FUBP3: variants seen among roughly 807,000 people sequenced by gnomAD.
FUBP3 encodes far upstream element binding protein 3.
In FUBP3, 28 loss-of-function variants were observed where a neutral mutation model predicts 85.6. The observed-to-expected ratio is 0.33, with a 90% CI of 0.24 to 0.45. FUBP3 has a LOEUF of 0.45. Ranked by LOEUF, FUBP3 falls within the 20% of genes least tolerant of loss-of-function variation. The pLI is 1.00. For synonymous variants in FUBP3, 271 were observed against 271.4 expected, an observed-to-expected ratio of 1.00 and a Z score of 0.01; for missense variants, 583 against 755.1, an observed-to-expected ratio of 0.77 and a Z score of 2.67.
intron 3 of FUBP3, among the ~76,000 whole-genome samples, chr9:130,610,626 G>T (rs979349583): frequency 4.6e-5 from 7 of 152,168 alleles, no homozygotes; most frequent in Non-Finnish European, 1.0e-4. Context: ...ATAGTGTATC[G>T]CCCTTCAAAC....
chr9:130,621,920 A>G (rs1000006511), intron 9 of FUBP3, among the ~76,000 whole-genome samples: 3 of 152,076 alleles, frequency 2.0e-5, no homozygotes, highest in African/African-American at 7.2e-5. Context: ...AAAAGAAAAA[A>G]AAAAGAACGC....
At position 130,612,471 on chromosome 9, in the gene FUBP3, A is replaced by G; in HGVS notation, c.240A>G (p.Glu80=). The change falls in exon 4 of 19, where the codon GAA becomes GAG. Residue 80 remains glutamate, a synonymous_variant. Transcript: ENST00000319725. This position sits in a 1 kb window ranked among gnomAD's most constrained non-coding sequence, Gnocchi z 4.1. ...ALVHQRTVIT[E]EFKVPDKMVG... ...TTGTTTTTAGGACGGTAATAACGGAAGAATTCAAAGTGCCTGACAAAATGG... is the reference window on the plus strand; with the variant it reads ...TTGTTTTTAGGACGGTAATAACGGAGGAATTCAAAGTGCCTGACAAAATGG... The G allele has an allele frequency of 6.3e-7, 1 of 1,597,778 alleles. No homozygotes were observed. Among genetic ancestry groups the G allele is most frequent in the Non-Finnish European group, 8.6e-7 (1 of 1,165,978 alleles).
At chr9:130,586,712 T>A (rs1011043238) in intron 1 of FUBP3, among the ~76,000 whole-genome samples, 1 of 150,782 alleles carries the variant, frequency 6.6e-6, no homozygotes, top group African/African-American at 2.4e-5. Context: ...GGTGGTTGGG[T>A]GGTTTTTCAT....
Position 130,579,669 on chromosome 9 carries a change from G to A in FUBP3, c.-12G>A. 1.6e-6 allele frequency: 2 copies of A among 1,246,996 alleles called. No homozygotes were observed. The highest frequency in any genetic ancestry group is 4.0e-5 in the South Asian group (1 of 25,034). 77.2% of individuals were successfully genotyped at this position (1,246,996 alleles called of 1,614,324 possible). On this transcript the variant is annotated 5_prime_UTR_variant, in exon 1 of 19. Transcript: ENST00000319725. ...GGCGTCGGCGGCGGCGGCGACGGCG[G>A]CGGGGGCGGTAATGGCGGAGCTGGT...
intron 18 of FUBP3, 86 bp from the exon 19 acceptor site, chr9:130,636,928 G>A (rs1276420174): frequency 1.6e-5 from 18 of 1,148,474 alleles, no homozygotes; most frequent in East Asian, 9.3e-5. Context: ...CCCAGCTCCC[G>A]TGACGCGAGA....
In FUBP3 at chr9:130,632,188, C is replaced by T. The variant is rs1477555719; in HGVS notation, c.1434-14C>T. 1.2e-6 allele frequency: 2 copies of T among 1,610,848 alleles called. No individual in the cohort carries two copies. The highest frequency in any genetic ancestry group is 1.3e-5 in the African/African-American group (1 of 74,866). ...GCCCCCTATAGGAACGAGTGACCCT[C>T]TTGTTATCCACAGTGGTCCTCCGGC... On this transcript the variant is annotated splice_polypyrimidine_tract_variant and intron_variant, in intron 15 of 18. Transcript: ENST00000319725.
At chr9:130,582,410 C>T (rs1027115763) in intron 1 of FUBP3, among the ~76,000 whole-genome samples, 2 of 150,862 alleles carry the variant, frequency 1.3e-5, no homozygotes, top group South Asian at 2.1e-4. Flanking sequence ...GTGATTGCTC[C>T]GCTGCATTCC....
In FUBP3 at chr9:130,635,907, G is replaced by A. The variant is rs1388095875; in HGVS notation, c.1583-92G>A. ...AGACCTCCCTGCCTTCCAGCCGTCC[G>A]GAGGGAGAGCAGATGCCCAGGGCCT... On this transcript the variant is annotated intron_variant, in intron 17 of 18. Coordinates refer to ENST00000319725, the MANE Select transcript of FUBP3 (RefSeq NM_003934.2). The surrounding 1 kb of genome is among the most constrained non-coding windows in gnomAD (Gnocchi z 4.3). 14 of 1,352,924 alleles carry A rather than the reference G, an allele frequency of 1.0e-5. No homozygotes were observed. The South Asian group carries it at 1.1e-4, about 10-fold the overall frequency. The allele number at this position is 1,352,924 out of a possible 1,614,324, so 83.8% of individuals were successfully genotyped here.
intron 13 of FUBP3, 93 bp downstream of exon 13, chr9:130,630,881 T>C: frequency 2.0e-6 from 2 of 991,622 alleles, no homozygotes; most frequent in African/African-American, 1.7e-5. Context: ...CTTGTGCTGC[T>C]TGTGCCTGTG....
chr9:130,631,547 G>T lies in FUBP3; in HGVS notation c.1279-10G>T. On this transcript the variant is annotated splice_polypyrimidine_tract_variant and intron_variant, in intron 13 of 18. Transcript: ENST00000319725. ...AACAGCGGGTGAGAGCTCCCTCTGT[G>T]CCCCCACAGGGGACCAATCTCGGAG... 1 of 1,611,186 alleles carries T rather than the reference G, an allele frequency of 6.2e-7. No homozygotes were observed. Among genetic ancestry groups the T allele is most frequent in the South Asian group, 1.1e-5 (1 of 90,990 alleles).
intron 2 of FUBP3, among the ~76,000 whole-genome samples, chr9:130,599,078 G>C (rs1334918110): frequency 6.6e-6 from 1 of 152,192 alleles, no homozygotes; most frequent in African/African-American, 2.4e-5. Flanking sequence ...AAATCACGAG[G>C]TCAGGAGATT....
chr9:130,606,388 A>ACC (rs372793709), intron 2 of FUBP3, among the ~76,000 whole-genome samples: 12 of 147,712 alleles, frequency 8.1e-5, no homozygotes, highest in African/African-American at 3.0e-4. Flanking sequence ...CTCTCTCCCC[A>ACC]CCCCCCCCCA....
rs191724799 is a variant in FUBP3, at chr9:130,609,327, G to A, written c.191-627G>A. Among the ~76,000 whole-genome samples, 234 of 152,274 alleles carry A rather than the reference G, an allele frequency of 1.5e-3. 1 individual carries two copies. Among genetic ancestry groups the A allele is most frequent in the Non-Finnish European group, 2.8e-3 (190 of 68,030 alleles). ...TTGTCTTTGTGAAATGGGCTTGAAA[G>A]GCAGTTGCTCATTCTTAGTGTCCGC... On this transcript the variant is annotated intron_variant, in intron 2 of 18. Coordinates refer to ENST00000319725, the MANE Select transcript of FUBP3 (RefSeq NM_003934.2).
At chr9:130,602,276 T>G (rs1301164418) in intron 2 of FUBP3, among the ~76,000 whole-genome samples, 2 of 152,186 alleles carry the variant, frequency 1.3e-5, no homozygotes, top group Admixed American at 1.3e-4. Context: ...GAGGGGGAAC[T>G]GCTGTATTCT....
intron 1 of FUBP3, among the ~76,000 whole-genome samples, chr9:130,591,058 A>G (rs1830603860): frequency 6.6e-6 from 1 of 150,798 alleles, no homozygotes; most frequent in Non-Finnish European, 1.5e-5. Flanking sequence ...TAAGAAAGGA[A>G]TAAAATAGAG....
In FUBP3 at chr9:130,638,088, A is replaced by G. The variant is rs1343727318; in HGVS notation, c.*1066A>G. On this transcript the variant is annotated 3_prime_UTR_variant, in exon 19 of 19. Coordinates refer to ENST00000319725, the MANE Select transcript of FUBP3 (RefSeq NM_003934.2). ...TACAGATAACATGTATTTTTAAAGG[A>G]AAAAAAACGGAATTGAAGCTATTTT... is the stretch of plus-strand genomic sequence containing the variant. The G allele has an allele frequency of 1.3e-5, 2 of 152,254 alleles. No individual in the cohort carries two copies. Among genetic ancestry groups the G allele is most frequent in the East Asian group, 1.9e-4 (1 of 5,194 alleles). 9.4% of individuals were successfully genotyped at this position (152,254 alleles called of 1,614,324 possible). A position where few individuals can be genotyped will look rare whatever the true frequency, so the allele number is the denominator to read the frequency against.
intron 1 of FUBP3, among the ~76,000 whole-genome samples, chr9:130,585,169 A>G (rs1053513865): frequency 1.3e-5 from 2 of 152,148 alleles, no homozygotes; most frequent in Admixed American, 1.3e-4. Context: ...CAAAAGAAAA[A>G]AAAAGATTTC....
intron 1 of FUBP3, among the ~76,000 whole-genome samples, chr9:130,589,697 A>ATT (rs1350487553): frequency 6.7e-5 from 2 of 29,964 alleles, no homozygotes; most frequent in African/African-American, 3.2e-4. Context: ...ATATATATAT[A>ATT]TATATATATT....
intron 1 of FUBP3, among the ~76,000 whole-genome samples, chr9:130,593,472 T>G (rs1830722891): frequency 6.6e-6 from 1 of 152,240 alleles, no homozygotes; most frequent in African/African-American, 2.4e-5. Flanking sequence ...AATCTTATTA[T>G]CTTTTCAAAA....
Sources: gnomAD v4.1 joint callset for allele counts (sites outside exome capture counted in the v4.1 genomes callset) on GRCh38, gnomAD v4.1.1 for gene constraint, Gnocchi (gnomAD v3.1) non-coding constraint, MANE v1.5 for transcripts, NCBI Gene and HGNC (gene_info 2026-07-23, HGNC 2026-07-21) for gene names.